Variants in TPO observed in about 807,000 individuals in gnomAD.
The protein encoded by TPO is thyroid peroxidase.
TPO carries 78 observed loss-of-function variants against 96.9 expected under a neutral mutation model. The observed-to-expected ratio is 0.81, with a 90% CI of 0.67 to 0.97. The LOEUF (loss-of-function observed/expected upper bound fraction) is 0.97, where lower values mean the gene tolerates loss of function less well. Ranked by LOEUF, TPO falls within the 50% of genes least tolerant of loss-of-function variation. TPO has a pLI of 0.00. For synonymous variants in TPO, 547 were observed against 538.0 expected, an observed-to-expected ratio of 1.02 and a Z score of -0.23; for missense variants, 1,252 against 1,274.8, an observed-to-expected ratio of 0.98 and a Z score of 0.27.
chr2:1,540,841 G>GTCCGT, intron 16 of TPO, 118 bp downstream of exon 16: 7 of 1,579,672 alleles, frequency 4.4e-6, no homozygotes, highest in Non-Finnish European at 6.0e-6. Context: ...GTGTTTCCTA[G>GTCCGT]TCCGTTCTGC....
chr2:1,479,225 T>G (rs902644441), intron 8 of TPO, among the ~76,000 whole-genome samples: 6 of 152,204 alleles, frequency 3.9e-5, no homozygotes, highest in African/African-American at 1.4e-4. Context: ...GGCTGCCTTC[T>G]CCCCTCTGCT....
chr2:1,472,340 G>A (rs116557067), intron 7 of TPO, among the ~76,000 whole-genome samples: 1 of 151,952 alleles, frequency 6.6e-6, no homozygotes, highest in Non-Finnish European at 1.5e-5. Context: ...TCCTTCTGAT[G>A]ATCTGAGTGC....
At chr2:1,540,414 A>AT in intron 15 of TPO, among the ~76,000 whole-genome samples, 180 bp from the exon 16 acceptor site, 1 of 113,638 alleles carries the variant, frequency 8.8e-6, no homozygotes, top group South Asian at 3.1e-4. Flanking sequence ...AGCAGTGCTA[A>AT]TTTTTTCCAA....
intron 9 of TPO, among the ~76,000 whole-genome samples, chr2:1,487,501 G>A (rs903166125): frequency 3.3e-5 from 5 of 152,168 alleles, no homozygotes; most frequent in East Asian, 1.9e-4. Context: ...TTGGGAGGCC[G>A]AGGCAGGCAG....
intron 7 of TPO, 77 bp from the exon 8 acceptor site, chr2:1,477,009 G>C (rs1670010770): frequency 6.6e-7 from 1 of 1,512,530 alleles, no homozygotes. Context: ...CGGGGTCGTC[G>C]CCGGCCTCGA....
intron 1 of TPO, among the ~76,000 whole-genome samples, chr2:1,394,375 G>A (rs568130830): frequency 7.9e-5 from 12 of 152,270 alleles, no homozygotes; most frequent in South Asian, 2.1e-4. Context: ...CTTCGATGCC[G>A]CCTGCACTGA....
intron 7 of TPO, among the ~76,000 whole-genome samples, chr2:1,462,201 G>A (rs1472038453): frequency 6.6e-6 from 1 of 152,128 alleles, no homozygotes; most frequent in African/African-American, 2.4e-5. Flanking sequence ...AGAGGCTGGG[G>A]CAGGTGCTGC....
chr2:1,378,196 ATG>A (rs139728701), intron 1 of TPO, among the ~76,000 whole-genome samples: 3,786 of 152,256 alleles, frequency 0.025, 104 homozygotes, highest in South Asian at 0.11. Flanking sequence ...AGTCTCAGGT[ATG>A]TCTTTATCAG....
chr2:1,423,712 A>G (rs183427603), intron 3 of TPO, among the ~76,000 whole-genome samples: 121 of 152,378 alleles, frequency 7.9e-4, no homozygotes, highest in African/African-American at 2.6e-3. Flanking sequence ...ACTAATAATT[A>G]TATAAGTTCT....
At chr2:1,379,456 G>A (rs1176818579) in intron 1 of TPO, among the ~76,000 whole-genome samples, 1 of 152,186 alleles carries the variant, frequency 6.6e-6, no homozygotes. Context: ...AAGCCAGGCT[G>A]ATCACGAGTC....
chr2:1,487,692 G>A lies in TPO; in HGVS notation c.1598-129G>A, dbSNP rs558048196. Reference sequence around the variant, plus strand: ...GCAGAGCTTGCAGTGAGCTGAGATCGCCACTGCACTCCAGCCTGGGCAACA... The same window carrying A: ...GCAGAGCTTGCAGTGAGCTGAGATCACCACTGCACTCCAGCCTGGGCAACA... On this transcript the variant is annotated intron_variant, in intron 9 of 16. Coordinates refer to ENST00000329066, the MANE Select transcript of TPO (RefSeq NM_001206744.2). 6.0e-4 allele frequency: 722 copies of A among 1,204,278 alleles called. 1 individual carries two copies. The highest frequency in any genetic ancestry group is 2.2e-3 in the South Asian group (157 of 70,880). The allele number at this position is 1,204,278 out of a possible 1,614,324, so 74.6% of individuals were successfully genotyped here. A position where few individuals can be genotyped will look rare whatever the true frequency, so the allele number is the denominator to read the frequency against.
intron 14 of TPO, among the ~76,000 whole-genome samples, chr2:1,511,690 G>A (rs1674149497): frequency 6.6e-6 from 1 of 152,192 alleles, no homozygotes; most frequent in Non-Finnish European, 1.5e-5. Context: ...GTGTGTCCAT[G>A]GCCTCATCTC....
chr2:1,396,019 G>A (rs1662074724), intron 1 of TPO, among the ~76,000 whole-genome samples: 1 of 152,214 alleles, frequency 6.6e-6, no homozygotes. Flanking sequence ...CAATGAGGAA[G>A]TAAGAAGAGG....
chr2:1,451,116 G>A (rs774021249), intron 5 of TPO, among the ~76,000 whole-genome samples: 2 of 152,184 alleles, frequency 1.3e-5, no homozygotes, highest in Non-Finnish European at 2.9e-5. Flanking sequence ...GTAGCAGCTG[G>A]TGCACAACAG....
chr2:1,418,913 A>G (rs1345721217), intron 2 of TPO, among the ~76,000 whole-genome samples: 1 of 152,254 alleles, frequency 6.6e-6, no homozygotes, highest in Non-Finnish European at 1.5e-5. Flanking sequence ...ACACAACTCT[A>G]AACAGGAATC....
At chr2:1,529,033 T>TGCAACCTCCCCAAATCTCCCCA (rs1677330649) in intron 15 of TPO, among the ~76,000 whole-genome samples, 1 of 133,618 alleles carries the variant, frequency 7.5e-6, no homozygotes. Flanking sequence ...CCCAACTCTG[T>TGCAACCTCCCCAAATCTCCCCA]GCAACCTCCC....
intron 16 of TPO, chr2:1,541,599 C>A (rs1330702637): frequency 6.6e-6 from 1 of 152,268 alleles, no homozygotes; most frequent in African/African-American, 2.4e-5. Flanking sequence ...CCAAGAGATC[C>A]TCCAGTCTGA....
chr2:1,445,306 GGC>G (rs1339868931), intron 5 of TPO, among the ~76,000 whole-genome samples: 3 of 96,330 alleles, frequency 3.1e-5, no homozygotes, highest in African/African-American at 1.2e-4. Flanking sequence ...GGAATGGGCA[GGC>G]TCCTTCCTGT....
intron 3 of TPO, among the ~76,000 whole-genome samples, chr2:1,428,907 G>A (rs1197709335): frequency 4.6e-5 from 7 of 152,242 alleles, no homozygotes; most frequent in South Asian, 2.1e-4. Context: ...TGTCTGGGCC[G>A]AGAGTCTCCT....
Sources: gnomAD v4.1 joint callset for allele counts (sites outside exome capture counted in the v4.1 genomes callset) on GRCh38, gnomAD v4.1.1 for gene constraint, MANE v1.5 for transcripts, NCBI Gene and HGNC (gene_info 2026-07-23, HGNC 2026-07-21) for gene names.